Variants in NBAS observed in about 807,000 individuals in gnomAD.
NBAS encodes the protein NAG/BC035112 fusion.
A neutral mutation model predicts 302.5 loss-of-function variants in NBAS; 219 were observed. That is an observed-to-expected ratio of 0.72 (90% CI 0.65 to 0.81). The LOEUF (loss-of-function observed/expected upper bound fraction) is 0.81. Among genes scored for constraint, NBAS ranks in the 30% least tolerant of loss-of-function variants. NBAS has a pLI of 0.00. For synonymous variants in NBAS, 1,118 were observed against 1,021.6 expected (o/e 1.09, Z -1.80); for missense variants, 2,932 against 2,841.6 (o/e 1.03, Z -0.72).
chr2:15,196,094 A>C (rs1184309322), intron 48 of NBAS, among the ~76,000 whole-genome samples: 1 of 152,130 alleles, frequency 6.6e-6, no homozygotes. Context: ...TCTTGCTCTA[A>C]AACCTGTTAA....
rs1042993476 is a variant in NBAS at position 15,482,266 on chromosome 2, G to A, written c.1084-3977C>T. On this transcript the variant is annotated intron_variant, in intron 12 of 51. Coordinates refer to ENST00000281513, the MANE Select transcript of NBAS (RefSeq NM_015909.4). ...CCGACTCAGCCTCCCGAGTAGCTGG[G>A]AATATGGGCACACGCCACTTTTTTA... Among the ~76,000 whole-genome samples, 8 of 152,090 alleles carry A rather than the reference G, an allele frequency of 5.3e-5. No homozygotes were observed. In the East Asian group the frequency reaches 1.3e-3, roughly 26 times the overall value.
downstream of NBAS, among the ~76,000 whole-genome samples, chr2:15,163,131 G>C (rs529592764): frequency 9.9e-5 from 15 of 152,280 alleles, no homozygotes; most frequent in South Asian, 3.1e-3. Flanking sequence ...GAAGCAATGG[G>C]AATTCTCACT....
intron 23 of NBAS, among the ~76,000 whole-genome samples, chr2:15,420,026 A>G (rs1207144626): frequency 6.6e-6 from 1 of 152,150 alleles, no homozygotes; most frequent in Admixed American, 6.5e-5. Context: ...ATGATATTTG[A>G]CAATTGTCAG....
chr2:14,931,955 A>G, the NBAS span, among the ~76,000 whole-genome samples: 8 of 152,188 alleles, frequency 5.3e-5, no homozygotes, highest in African/African-American at 1.9e-4. Flanking sequence ...TTTTTCTGGT[A>G]TAATAGTAAC....
At chr2:15,171,482 A>G (rs1435303878) in intron 51 of NBAS, among the ~76,000 whole-genome samples, 1 of 152,250 alleles carries the variant, frequency 6.6e-6, no homozygotes, top group Non-Finnish European at 1.5e-5. Flanking sequence ...AATGGCTGCA[A>G]AATAGTTGTT....
At chr2:15,445,927 G>T (rs1269968401) in intron 21 of NBAS, among the ~76,000 whole-genome samples, 1 of 150,630 alleles carries the variant, frequency 6.6e-6, no homozygotes, top group Non-Finnish European at 1.5e-5. Flanking sequence ...AAAATACACT[G>T]AAGGCATCAA....
At chr2:15,073,563 A>G in the NBAS span, among the ~76,000 whole-genome samples, 1 of 151,918 alleles carries the variant, frequency 6.6e-6, no homozygotes, top group African/African-American at 2.4e-5. Context: ...CCCGCATCCT[A>G]TCATGAGTAA....
the NBAS span, among the ~76,000 whole-genome samples, chr2:14,843,565 C>CAA: frequency 1.6e-4 from 22 of 138,510 alleles, no homozygotes; most frequent in Non-Finnish European, 4.5e-5. Flanking sequence ...CAGACACACA[C>CAA]ACACACACAC....
intron 44 of NBAS, among the ~76,000 whole-genome samples, chr2:15,268,714 GA>G (rs1669186595): frequency 1.3e-5 from 2 of 152,248 alleles, no homozygotes; most frequent in East Asian, 3.9e-4. Flanking sequence ...AGTAGTATAG[GA>G]GGACAAAAAT....
chr2:14,786,457 T>G, the NBAS span, among the ~76,000 whole-genome samples: 2 of 152,174 alleles, frequency 1.3e-5, no homozygotes, highest in African/African-American at 2.4e-5. Context: ...CTGTGGGTAT[T>G]TAGTGCTATA....
Position 15,186,867 on chromosome 2 carries a change from GATT to G in NBAS, c.6583_6585del (p.Asn2195del). ...ATCACTGTAGCTAGTCTCACCCATGGATTATTGGTTATGCTGGTGTTTATGGAG... is the reference window on the plus strand; with the variant it reads ...ATCACTGTAGCTAGTCTCACCCATGGATTGGTTATGCTGGTGTTTATGGAG... On this transcript the variant is annotated inframe_deletion, in exon 50 of 52. Transcript: ENST00000281513. 6.2e-7 allele frequency: 1 copy of G among 1,613,940 alleles called. No homozygotes were observed.
chr2:15,105,378 G>A, the NBAS span, among the ~76,000 whole-genome samples: 1 of 151,668 alleles, frequency 6.6e-6, no homozygotes. Context: ...TGCACATTCT[G>A]CACATGTATT....
intron 21 of NBAS, among the ~76,000 whole-genome samples, chr2:15,459,097 G>A (rs1294168034): frequency 6.6e-6 from 1 of 152,202 alleles, no homozygotes; most frequent in African/African-American, 2.4e-5. Flanking sequence ...GTACTGTGCA[G>A]CTCTTTTGCA....
At chr2:15,049,735 C>T in the NBAS span, among the ~76,000 whole-genome samples, 2 of 152,328 alleles carry the variant, frequency 1.3e-5, no homozygotes, top group East Asian at 3.9e-4. Flanking sequence ...AGACAAGTGC[C>T]CACTGTGTCC....
chr2:15,150,939 G>C, the NBAS span, among the ~76,000 whole-genome samples: 1 of 152,096 alleles, frequency 6.6e-6, no homozygotes, highest in East Asian at 1.9e-4. Flanking sequence ...AAAACCTATA[G>C]TGAGGAACTT....
intron 33 of NBAS, among the ~76,000 whole-genome samples, chr2:15,355,306 G>A (rs1286393818): frequency 2.0e-5 from 3 of 151,822 alleles, no homozygotes; most frequent in Admixed American, 6.6e-5. Flanking sequence ...TTAGTACAGA[G>A]CCCATGATAA....
the NBAS span, among the ~76,000 whole-genome samples, chr2:15,035,119 T>G: frequency 6.6e-6 from 1 of 151,570 alleles, no homozygotes; most frequent in Admixed American, 6.6e-5. Context: ...GTGTGGGGTT[T>G]TTTTTTTTTT....
intron 25 of NBAS, among the ~76,000 whole-genome samples, chr2:15,410,044 C>A (rs1676606986): frequency 6.6e-6 from 1 of 152,152 alleles, no homozygotes; most frequent in South Asian, 2.1e-4. Flanking sequence ...CCCCACATTC[C>A]CCACTCCCCT....
chr2:15,290,803 T>G (rs1203519668), intron 41 of NBAS, among the ~76,000 whole-genome samples: 1 of 152,232 alleles, frequency 6.6e-6, no homozygotes, highest in East Asian at 1.9e-4. Context: ...TCCATATTTC[T>G]CTTCTTAATT....
Sources: gnomAD v4.1 joint callset for allele counts (sites outside exome capture counted in the v4.1 genomes callset) on GRCh38, gnomAD v4.1.1 for gene constraint, MANE v1.5 for transcripts, NCBI Gene and HGNC (gene_info 2026-07-23, HGNC 2026-07-21) for gene names.